The following GLRA2 variants were observed in gnomAD, a reference collection of about 807,000 sequenced individuals.
GLRA2 encodes the protein glycine receptor subunit alpha-2.
Under a neutral mutation model 31.6 loss-of-function variants are expected in GLRA2, and 11 were observed. The observed-to-expected ratio is 0.35, with a 90% confidence interval of 0.22 to 0.58. The LOEUF is 0.58. Among genes scored for constraint, GLRA2 ranks in the 20% least tolerant of loss-of-function variants. GLRA2 has a pLI of 0.84. For missense variants in GLRA2, 212 were observed against 351.8 expected (o/e 0.60, Z 3.18); for synonymous variants, 132 against 134.0 (o/e 0.99, Z 0.10).
At chrX:14,467,841 A>G in the GLRA2 span, among the ~76,000 whole-genome samples, 2 of 106,796 alleles carry the variant, frequency 1.9e-5, no homozygotes, top group African/African-American at 3.7e-5. Context: ...ATTAGTGTGT[A>G]AGGACCGAAA....
At chrX:14,455,254 C>T in the GLRA2 span, among the ~76,000 whole-genome samples, 3 of 111,762 alleles carry the variant, frequency 2.7e-5, no homozygotes, top group African/African-American at 9.7e-5. Context: ...TTAGGTTTTT[C>T]AACTCTCTTC....
intron 8 of GLRA2, among the ~76,000 whole-genome samples, chrX:14,713,358 G>T (rs1312681293): frequency 8.9e-6 from 1 of 111,965 alleles, no homozygotes; most frequent in Non-Finnish European, 1.9e-5. Context: ...TTAGAATTTT[G>T]TGTGTCTTTT....
chrX:14,623,420 C>G (rs764927712), intron 7 of GLRA2, among the ~76,000 whole-genome samples: 26 of 111,321 alleles, frequency 2.3e-4, no homozygotes, highest in African/African-American at 8.5e-4. Context: ...GCATCCCTGT[C>G]TTGTGCCAGT....
intron 7 of GLRA2, among the ~76,000 whole-genome samples, chrX:14,622,227 A>C (rs1205972082): frequency 1.8e-5 from 2 of 111,098 alleles, no homozygotes; most frequent in Admixed American, 1.9e-4. Flanking sequence ...TTTTCTTGTA[A>C]ATTTGTTTAA....
chrX:14,696,428 G>A (rs1013799140), intron 8 of GLRA2, among the ~76,000 whole-genome samples: 1 of 111,763 alleles, frequency 8.9e-6, no homozygotes, highest in Admixed American at 9.5e-5. Context: ...ATAAGCATGT[G>A]TGACTAAGGT....
At chrX:14,570,302 T>C (rs995240666) in intron 2 of GLRA2, among the ~76,000 whole-genome samples, 3 of 112,408 alleles carry the variant, frequency 2.7e-5, no homozygotes, top group Non-Finnish European at 5.6e-5. Flanking sequence ...CACCACGATT[T>C]AAAAACAATA....
At chrX:14,684,120 G>A (rs1397158060) in intron 7 of GLRA2, among the ~76,000 whole-genome samples, 2 of 111,297 alleles carry the variant, frequency 1.8e-5, no homozygotes, top group African/African-American at 6.5e-5. Context: ...AAGATCAGAT[G>A]GTTGTAGATG....
At chrX:14,452,719 T>G in the GLRA2 span, among the ~76,000 whole-genome samples, 2 of 112,075 alleles carry the variant, frequency 1.8e-5, no homozygotes, top group Non-Finnish European at 3.8e-5. Context: ...TGTTCGGACA[T>G]ATACCTAAAG....
chrX:14,674,325 A>G (rs16979647), intron 7 of GLRA2, among the ~76,000 whole-genome samples: 3,269 of 112,442 alleles, frequency 0.029, 104 homozygotes, highest in African/African-American at 0.092. Flanking sequence ...AAGCAAAGCA[A>G]TATAAAAATA....
the GLRA2 span, among the ~76,000 whole-genome samples, chrX:14,449,817 G>A: frequency 8.9e-6 from 1 of 112,263 alleles, no homozygotes; most frequent in Non-Finnish European, 1.9e-5. Context: ...ACTGTCCAGG[G>A]GTATCCAGCT....
At chrX:14,663,422 T>C (rs1257987874) in intron 7 of GLRA2, among the ~76,000 whole-genome samples, 2 of 110,700 alleles carry the variant, frequency 1.8e-5, no homozygotes, top group Non-Finnish European at 3.8e-5. Flanking sequence ...ATGATGCTAA[T>C]TTGTTTTGTC....
chrX:14,701,523 T>C (rs757554689), intron 8 of GLRA2, among the ~76,000 whole-genome samples: 1 of 111,250 alleles, frequency 9.0e-6, no homozygotes, highest in East Asian at 2.8e-4. Context: ...CTGAGGGTTT[T>C]GCCAGACAGG....
the GLRA2 span, among the ~76,000 whole-genome samples, chrX:14,481,347 A>G: frequency 9.0e-6 from 1 of 111,383 alleles, no homozygotes. Context: ...TTTGGTATTC[A>G]TTGCATATCC....
At chrX:14,510,703 C>A in the GLRA2 span, among the ~76,000 whole-genome samples, 11 of 111,494 alleles carry the variant, frequency 9.9e-5, no homozygotes, top group African/African-American at 3.3e-4. Context: ...AGTCTGAAGT[C>A]CACAGTCAGA....
intron 8 of GLRA2, among the ~76,000 whole-genome samples, chrX:14,726,438 A>T (rs1365227085): frequency 8.9e-6 from 1 of 112,358 alleles, no homozygotes; most frequent in Non-Finnish European, 1.9e-5. Context: ...TAAATGGATA[A>T]TTTTTACTCA....
chrX:14,633,497 AAACAACAAC>A (rs374182136), intron 7 of GLRA2, among the ~76,000 whole-genome samples: 14 of 111,457 alleles, frequency 1.3e-4, no homozygotes, highest in Non-Finnish European at 2.4e-4. Context: ...TGTATCTCTA[AAACAACAAC>A]AACAACAACA....
chrX:14,669,194 T>G (rs978946463), intron 7 of GLRA2, among the ~76,000 whole-genome samples: 5 of 112,277 alleles, frequency 4.5e-5, no homozygotes, highest in African/African-American at 1.6e-4. Flanking sequence ...CACATCCAGG[T>G]GACTCTGATG....
At chrX:14,543,292 C>T (rs1486951036) in intron 2 of GLRA2, among the ~76,000 whole-genome samples, 8 of 100,962 alleles carry the variant, frequency 7.9e-5, no homozygotes, top group African/African-American at 2.9e-4. Flanking sequence ...CTCTACTTCA[C>T]TTCTAACTTT....
At chrX:14,706,800 AT>A (rs990999684) in intron 8 of GLRA2, among the ~76,000 whole-genome samples, 13 of 112,395 alleles carry the variant, frequency 1.2e-4, no homozygotes, top group African/African-American at 4.2e-4. Flanking sequence ...GCACACATGC[AT>A]TGTAGTAAAA....
Sources: gnomAD v4.1 joint callset for allele counts (sites outside exome capture counted in the v4.1 genomes callset) on GRCh38, gnomAD v4.1.1 for gene constraint, MANE v1.5 for transcripts, NCBI Gene and HGNC (gene_info 2026-07-23, HGNC 2026-07-21) for gene names.